Variants in KHDRBS3 observed in about 807,000 individuals in gnomAD.
The protein encoded by KHDRBS3 is KH domain-containing, RNA-binding, signal transduction-associated protein 3.
In KHDRBS3, 23 loss-of-function variants were observed where a neutral mutation model predicts 45.6. That is an observed-to-expected ratio of 0.50 (90% CI 0.36 to 0.72). KHDRBS3 has a LOEUF of 0.72. KHDRBS3 is among the 30% of genes least tolerant of loss of function. The probability of loss-of-function intolerance (pLI) is 0.00; values close to 1 mark genes in which losing one functional copy is unlikely to be tolerated. For synonymous variants in KHDRBS3, 162 were observed against 156.5 expected, an observed-to-expected ratio of 1.04 and a Z score of -0.26; for missense variants, 352 against 424.8, an observed-to-expected ratio of 0.83 and a Z score of 1.51.
At chr8:135,464,739 T>C (rs540740830) in intron 1 of KHDRBS3, among the ~76,000 whole-genome samples, 2 of 152,202 alleles carry the variant, frequency 1.3e-5, no homozygotes, top group Non-Finnish European at 2.9e-5. Context: ...AGTTTAACAG[T>C]CTTAAAAGAG....
chr8:135,537,524 A>T (rs750122186), intron 2 of KHDRBS3, among the ~76,000 whole-genome samples: 19 of 152,218 alleles, frequency 1.2e-4, no homozygotes, highest in Non-Finnish European at 1.9e-4. Flanking sequence ...TGAAACTCAG[A>T]TATACTTACT....
At chr8:135,651,536 T>C (rs1831428844), downstream of KHDRBS3, among the ~76,000 whole-genome samples, 1 of 152,078 alleles carries the variant, frequency 6.6e-6, no homozygotes, top group Admixed American at 6.6e-5. Flanking sequence ...AAGGGTCTTG[T>C]AGGTTCTGCT....
At chr8:135,553,560 GTTACTTC>G (rs952706511) in intron 4 of KHDRBS3, among the ~76,000 whole-genome samples, 1 of 152,092 alleles carries the variant, frequency 6.6e-6, no homozygotes, top group Non-Finnish European at 1.5e-5. Context: ...GAACATTGAG[GTTACTTC>G]TTATAGATCA....
intron 8 of KHDRBS3, 82 bp downstream of exon 8, chr8:135,645,199 T>C (rs1419198362): frequency 9.1e-6 from 13 of 1,434,320 alleles, no homozygotes; most frequent in Non-Finnish European, 1.3e-5. Flanking sequence ...GGGAAGAGAA[T>C]AAGGACATTT....
intron 6 of KHDRBS3, among the ~76,000 whole-genome samples, chr8:135,592,354 G>T (rs978443587): frequency 6.6e-6 from 1 of 152,082 alleles, no homozygotes; most frequent in Non-Finnish European, 1.5e-5. Flanking sequence ...AGCAAGTTGT[G>T]CTGTCATAAT....
At chr8:135,543,309 T>C (rs993272661) in intron 3 of KHDRBS3, among the ~76,000 whole-genome samples, 1 of 152,212 alleles carries the variant, frequency 6.6e-6, no homozygotes, top group African/African-American at 2.4e-5. Context: ...TCATGGTTTT[T>C]AACCAGCTAA....
intron 1 of KHDRBS3, among the ~76,000 whole-genome samples, chr8:135,476,181 T>C (rs1330088863): frequency 6.6e-6 from 1 of 152,162 alleles, no homozygotes; most frequent in Non-Finnish European, 1.5e-5. Context: ...TCTTGCTCTG[T>C]CACCTAGGCT....
chr8:135,590,467 A>G (rs1258150837), intron 6 of KHDRBS3, among the ~76,000 whole-genome samples: 1 of 152,230 alleles, frequency 6.6e-6, no homozygotes, highest in Non-Finnish European at 1.5e-5. Flanking sequence ...GTAGCAGGTT[A>G]GTCTAAATGA....
intron 7 of KHDRBS3, among the ~76,000 whole-genome samples, chr8:135,636,273 A>G (rs1830809144): frequency 6.6e-6 from 1 of 152,232 alleles, no homozygotes; most frequent in Admixed American, 6.5e-5. Context: ...TCCCGTCATC[A>G]TACAGAAGTT....
chr8:135,514,323 A>C (rs1474591170), intron 1 of KHDRBS3, among the ~76,000 whole-genome samples: 1 of 152,264 alleles, frequency 6.6e-6, no homozygotes, highest in Non-Finnish European at 1.5e-5. Context: ...AATATCTGTC[A>C]ACCAATGAAT....
At chr8:135,558,134 T>G (rs1826981923) in intron 5 of KHDRBS3, among the ~76,000 whole-genome samples, 1 of 152,212 alleles carries the variant, frequency 6.6e-6, no homozygotes, top group Non-Finnish European at 1.5e-5. Context: ...CTAAGCACAG[T>G]GTGAGACACC....
At chr8:135,571,765 G>A (rs71528401) in intron 5 of KHDRBS3, among the ~76,000 whole-genome samples, 1 of 152,078 alleles carries the variant, frequency 6.6e-6, no homozygotes, top group Admixed American at 6.6e-5. Context: ...TGGCACTGGG[G>A]AAGCCAGAGT....
downstream of KHDRBS3, chr8:135,648,174 A>G (rs917941665): frequency 6.6e-6 from 1 of 152,198 alleles, no homozygotes; most frequent in African/African-American, 2.4e-5. Context: ...TAATATAACT[A>G]ATAAAACCAG....
chr8:135,648,654 T>C (rs1007229753), downstream of KHDRBS3: 1 of 152,188 alleles, frequency 6.6e-6, no homozygotes, highest in Admixed American at 6.5e-5. Flanking sequence ...TGAAGACAAT[T>C]TCACACTTAT....
At chr8:135,515,585 G>T (rs1824552774) in intron 1 of KHDRBS3, among the ~76,000 whole-genome samples, 1 of 151,914 alleles carries the variant, frequency 6.6e-6, no homozygotes, top group African/African-American at 2.4e-5. Flanking sequence ...TTTGAGCTGG[G>T]TTAAGAGCTA....
At chr8:135,600,325 A>T (rs1264318909) in intron 6 of KHDRBS3, among the ~76,000 whole-genome samples, 5 of 152,220 alleles carry the variant, frequency 3.3e-5, no homozygotes, top group African/African-American at 1.2e-4. Flanking sequence ...AGGATCAGTT[A>T]CGGTCTCTGA....
intron 1 of KHDRBS3, among the ~76,000 whole-genome samples, chr8:135,505,342 A>G (rs1823938467): frequency 6.6e-6 from 1 of 152,060 alleles, no homozygotes; most frequent in Non-Finnish European, 1.5e-5. Flanking sequence ...TGTCCTCCAA[A>G]ACCTTGGCCT....
At chr8:135,563,381 C>T (rs963401306) in intron 5 of KHDRBS3, among the ~76,000 whole-genome samples, 1 of 152,208 alleles carries the variant, frequency 6.6e-6, no homozygotes, top group Admixed American at 6.5e-5. Flanking sequence ...CCGCCTCCCT[C>T]TCAGCATCGC....
chr8:135,640,619 A>G (rs1831019994), intron 7 of KHDRBS3, among the ~76,000 whole-genome samples: 1 of 152,152 alleles, frequency 6.6e-6, no homozygotes. Flanking sequence ...TCCAGGAATG[A>G]TGCTGAGCAC....
Sources: allele counts gnomAD v4.1 joint callset (sites outside exome capture counted in the v4.1 genomes callset), GRCh38; gene constraint gnomAD v4.1.1; transcripts MANE v1.5; gene names NCBI Gene and HGNC (gene_info 2026-07-23, HGNC 2026-07-21).